The following SLC4A10 variants were observed in gnomAD, a reference collection of about 807,000 sequenced individuals.
The protein encoded by SLC4A10 is solute carrier family 4 member 10.
In SLC4A10, 42 loss-of-function variants were observed where a neutral mutation model predicts 137.7. The ratio of observed to expected loss-of-function variants is 0.30; its 90% CI spans 0.24 to 0.39. The LOEUF is 0.39. Among genes scored for constraint, SLC4A10 ranks in the 10% least tolerant of loss-of-function variants. The probability of loss-of-function intolerance (pLI) is 1.00; values close to 1 mark genes in which losing one functional copy is unlikely to be tolerated. For missense variants in SLC4A10, 925 were observed against 1,355.0 expected (o/e 0.68, Z 4.98); for synonymous variants, 474 against 464.1 (o/e 1.02, Z -0.27).
chr2:161,953,028 T>C (rs889892174), intron 19 of SLC4A10, among the ~76,000 whole-genome samples: 4 of 152,192 alleles, frequency 2.6e-5, no homozygotes, highest in Non-Finnish European at 4.4e-5. Flanking sequence ...TGTGAAAGCA[T>C]TTTCAGCTTT....
intron 9 of SLC4A10, among the ~76,000 whole-genome samples, chr2:161,880,546 T>C (rs1020980349): frequency 2.6e-5 from 4 of 152,098 alleles, no homozygotes; most frequent in Admixed American, 2.0e-4. Flanking sequence ...TCTATGTTTA[T>C]CCTGTTTGAG....
At chr2:161,815,336 C>A (rs983917185) in intron 3 of SLC4A10, among the ~76,000 whole-genome samples, 11 of 152,098 alleles carry the variant, frequency 7.2e-5, no homozygotes, top group Admixed American at 5.9e-4. Context: ...CTCATGAGAT[C>A]TGAAGGATTT....
At chr2:161,823,609 T>C (rs557558603) in intron 3 of SLC4A10, among the ~76,000 whole-genome samples, 2 of 152,200 alleles carry the variant, frequency 1.3e-5, no homozygotes, top group Non-Finnish European at 2.9e-5. Flanking sequence ...CAAAGTTGAA[T>C]TGCTTGACAT....
chr2:161,683,199 T>G lies in SLC4A10; in HGVS notation c.48+58633T>G, dbSNP rs9677118. ...GAATAGAAAGTAGATCAGCTTGAGT[T>G]ATAGTTTGAAAATCTCCTATTTAGT... On this transcript the variant is annotated intron_variant, in intron 1 of 26. Coordinates refer to ENST00000446997, the MANE Select transcript of SLC4A10 (RefSeq NM_001178015.2). Among the ~76,000 whole-genome samples the G allele has an allele frequency of 1.6e-3, 249 of 152,182 alleles. 2 individuals carry two copies. Among genetic ancestry groups the G allele is most frequent in the African/African-American group, 5.8e-3 (240 of 41,522 alleles).
chr2:161,723,600 G>A (rs1273754786), intron 1 of SLC4A10, among the ~76,000 whole-genome samples: 1 of 152,144 alleles, frequency 6.6e-6, no homozygotes, highest in East Asian at 1.9e-4. Context: ...CTCAAGGTGT[G>A]CAGCCTACTG....
intron 1 of SLC4A10, among the ~76,000 whole-genome samples, chr2:161,682,931 A>G (rs547996863): frequency 6.6e-6 from 1 of 152,238 alleles, no homozygotes; most frequent in Admixed American, 6.5e-5. Flanking sequence ...ATGAATTTGT[A>G]ATATATAAAT....
intron 3 of SLC4A10, among the ~76,000 whole-genome samples, chr2:161,823,693 TATC>T (rs1219410316): frequency 6.6e-6 from 1 of 152,216 alleles, no homozygotes; most frequent in African/African-American, 2.4e-5. Context: ...TGCAGAAACT[TATC>T]AACAAATACA....
chr2:161,922,955 A>G (rs1167179588), intron 15 of SLC4A10, among the ~76,000 whole-genome samples: 1 of 152,204 alleles, frequency 6.6e-6, no homozygotes, highest in Non-Finnish European at 1.5e-5. Context: ...GCACACAGGA[A>G]GGTACTATTA....
intron 1 of SLC4A10, among the ~76,000 whole-genome samples, chr2:161,743,014 TA>T (rs1356597486): frequency 9.2e-5 from 14 of 152,166 alleles, no homozygotes; most frequent in Admixed American, 7.2e-4. Context: ...TTATGGTTAT[TA>T]ATACTTTGTC....
chr2:161,831,836 A>AT (rs1171819618), intron 3 of SLC4A10, among the ~76,000 whole-genome samples: 2 of 152,038 alleles, frequency 1.3e-5, no homozygotes, highest in Non-Finnish European at 2.9e-5. Flanking sequence ...TAATTCAAAG[A>AT]TTTTTCTTTC....
At chr2:161,922,734 A>G (rs1039796112) in intron 15 of SLC4A10, among the ~76,000 whole-genome samples, 6 of 152,288 alleles carry the variant, frequency 3.9e-5, no homozygotes, top group Non-Finnish European at 7.4e-5. Context: ...AATATTCTGT[A>G]GTGTGATTTT....
At chr2:161,880,815 G>T (rs1248666853) in intron 9 of SLC4A10, among the ~76,000 whole-genome samples, 6 of 152,058 alleles carry the variant, frequency 3.9e-5, no homozygotes. Flanking sequence ...ACTTAGGAAG[G>T]TGTCTGGTGA....
At chr2:161,780,118 T>C (rs897106233) in intron 2 of SLC4A10, among the ~76,000 whole-genome samples, 2 of 151,940 alleles carry the variant, frequency 1.3e-5, no homozygotes, top group Non-Finnish European at 2.9e-5. Context: ...AACAAGAAAA[T>C]AAGAGAAAAA....
chr2:161,679,455 G>A (rs1477309329), intron 1 of SLC4A10, among the ~76,000 whole-genome samples: 2 of 151,990 alleles, frequency 1.3e-5, no homozygotes, highest in African/African-American at 4.8e-5. Context: ...AGTCTGTTTA[G>A]GGAGGTAAAA....
At chr2:161,752,839 A>T (rs1417287355) in intron 1 of SLC4A10, among the ~76,000 whole-genome samples, 1 of 152,068 alleles carries the variant, frequency 6.6e-6, no homozygotes, top group African/African-American at 2.4e-5. Context: ...AGGAGGATAG[A>T]TATATCATGG....
At position 161,950,747 on chromosome 2, in the gene SLC4A10, G is replaced by C; in HGVS notation, c.2440G>C (p.Val814Leu). 1 of 1,596,684 alleles carries C rather than the reference G, an allele frequency of 6.3e-7. No homozygotes were observed. The highest frequency in any genetic ancestry group is 8.5e-7 in the Non-Finnish European group (1 of 1,170,698). Residue 814 changes from valine (V) to leucine (L), a missense_variant, in exon 19 of 27, where the codon GTA becomes CTA. By Grantham distance (32) the Val-to-Leu change is conservative. This residue lies in a region of SLC4A10 where 82 missense variants were observed against 151.4 expected (regional missense o/e 0.54). Transcript: ENST00000446997. ...TPLGPNPWWT[V>L]IAAIIPALLC... is the part of the protein sequence containing the mutation. ...TTTAGGTCCAAACCCATGGTGGACA[G>C]TAATAGCTGCTATAATTCCAGCTCT...
intron 5 of SLC4A10, among the ~76,000 whole-genome samples, chr2:161,857,716 G>A (rs934335287): frequency 6.6e-6 from 1 of 151,866 alleles, no homozygotes; most frequent in Non-Finnish European, 1.5e-5. Flanking sequence ...CATGCTTTCC[G>A]TTTTTAAGAC....
At chr2:161,862,079 A>T (rs2060465967) in intron 5 of SLC4A10, among the ~76,000 whole-genome samples, 2 of 152,208 alleles carry the variant, frequency 1.3e-5, no homozygotes, top group South Asian at 4.1e-4. Context: ...TCTTTATATC[A>T]CTAAGAAACT....
intron 6 of SLC4A10, among the ~76,000 whole-genome samples, chr2:161,864,944 T>G (rs559072012): frequency 3.9e-5 from 6 of 152,210 alleles, no homozygotes; most frequent in African/African-American, 1.4e-4. Flanking sequence ...TCTACATGAT[T>G]CCAAAAACTT....
Sources: allele counts gnomAD v4.1 joint callset (sites outside exome capture counted in the v4.1 genomes callset), GRCh38; gene constraint gnomAD v4.1.1; regional missense constraint gnomAD v4.1.1; transcripts MANE v1.5; gene names NCBI Gene and HGNC (gene_info 2026-07-23, HGNC 2026-07-21).